Variants in TNS1 observed in about 807,000 individuals in gnomAD.
TNS1 encodes the protein tensin-1.
In TNS1, 62 loss-of-function variants were observed where a neutral mutation model predicts 168.6. The observed-to-expected ratio is 0.37, with a 90% CI of 0.30 to 0.45. The LOEUF is 0.45. Among genes scored for constraint, TNS1 ranks in the 20% least tolerant of loss-of-function variants. TNS1 has a pLI of 1.00. For synonymous variants in TNS1, 934 were observed against 933.2 expected (o/e 1.00, Z -0.02); for missense variants, 2,240 against 2,339.4 (o/e 0.96, Z 0.88).
intron 3 of TNS1, among the ~76,000 whole-genome samples, chr2:217,946,955 T>TCACA (rs1291975623): frequency 3.0e-3 from 339 of 113,678 alleles, no homozygotes; most frequent in Non-Finnish European, 4.8e-3. Flanking sequence ...TCTCTCTCTC[T>TCACA]CTCTCTCTCT....
chr2:217,982,525 T>TC lies in TNS1; in HGVS notation c.149-3724dup, dbSNP rs1055372437. On this transcript the variant is annotated intron_variant, in intron 2 of 32. Coordinates refer to ENST00000682258, the MANE Select transcript of TNS1 (RefSeq NM_001387777.1). Reference sequence around the variant, plus strand: ...CTCAAGCGATCCTCCCACTTCAGCCTCCCAAGCAGCTGGGACTACAAGCAT... The same window carrying TC: ...CTCAAGCGATCCTCCCACTTCAGCCTCCCCAAGCAGCTGGGACTACAAGCAT... Among the ~76,000 whole-genome samples, 4 of 150,804 alleles carry TC rather than the reference T, an allele frequency of 2.7e-5. No homozygotes were observed. In the Admixed American group the frequency reaches 2.7e-4, roughly 10 times the overall value.
intron 3 of TNS1, among the ~76,000 whole-genome samples, chr2:217,923,965 A>G (rs1014295429): frequency 1.2e-4 from 19 of 152,174 alleles, no homozygotes; most frequent in Admixed American, 5.2e-4. Context: ...AACAGGGCAC[A>G]CCCGTGCAGA....
At chr2:217,835,062 G>T in intron 21 of TNS1, 29 bp downstream of exon 21, 1 of 1,555,008 alleles carries the variant, frequency 6.4e-7, no homozygotes, top group East Asian at 2.4e-5. Context: ...GGGTACACAG[G>T]GAAGACGAGC....
chr2:217,885,204 G>T, intron 15 of TNS1, 40 bp from the exon 16 acceptor site: 1 of 1,613,310 alleles, frequency 6.2e-7, no homozygotes, highest in Middle Eastern at 1.7e-4. Context: ...GGGGCCTGAG[G>T]CTGGGAGGTC....
In TNS1 at chr2:217,848,208, C is replaced by T. The variant is rs1015716797; in HGVS notation, c.2309G>A (p.Arg770Lys). Residue 770 changes from arginine to lysine, a missense_variant, in exon 19 of 33, where the codon AGG becomes AAG. By Grantham distance (26) the Arg-to-Lys change is conservative. Transcript: ENST00000682258. ...RGGSSREAVQ[R>K]GLNSWQQQQQ... Reference sequence around the variant, plus strand: ...CTGCTGCTGCCACGAATTCAGTCCCCTTTGCACAGCCTCCCGGCTGCTTCC... The same window carrying T: ...CTGCTGCTGCCACGAATTCAGTCCCTTTTGCACAGCCTCCCGGCTGCTTCC... 2.5e-6 allele frequency: 4 copies of T among 1,597,040 alleles called. No homozygotes were observed. Among genetic ancestry groups the T allele is most frequent in the Admixed American group, 3.5e-5 (2 of 57,962 alleles).
chr2:218,022,656 G>A (rs571843993), intron 1 of TNS1, among the ~76,000 whole-genome samples: 42 of 152,078 alleles, frequency 2.8e-4, no homozygotes, highest in South Asian at 8.3e-4. Flanking sequence ...GATAAATGGG[G>A]GGAGGGGCAG....
chr2:218,019,095 A>T (rs1559413223), intron 1 of TNS1, among the ~76,000 whole-genome samples: 2 of 138,948 alleles, frequency 1.4e-5, no homozygotes. Context: ...AAGAAAAAAC[A>T]AAAAAAAAAT....
chr2:218,025,105 C>T (rs528516475), intron 1 of TNS1, among the ~76,000 whole-genome samples: 4 of 152,214 alleles, frequency 2.6e-5, no homozygotes, highest in Non-Finnish European at 4.4e-5. Flanking sequence ...CTACCCACCC[C>T]TCCCATGCTA....
chr2:217,816,070 C>A (rs1163745587), intron 24 of TNS1, among the ~76,000 whole-genome samples: 2 of 152,178 alleles, frequency 1.3e-5, no homozygotes, highest in Non-Finnish European at 2.9e-5. Context: ...CACAGTCCAA[C>A]TGCCTAATTT....
chr2:217,878,623 C>T (rs754014724), intron 18 of TNS1, among the ~76,000 whole-genome samples: 16 of 152,226 alleles, frequency 1.1e-4, no homozygotes, highest in Non-Finnish European at 1.8e-4. Flanking sequence ...ACACTGGCCA[C>T]AGCTGACACA....
At chr2:217,858,409 A>T in intron 18 of TNS1, 1 of 619,312 alleles carries the variant, frequency 1.6e-6, no homozygotes, top group Non-Finnish European at 2.0e-6. Flanking sequence ...CCCAGCACAG[A>T]AGCACGAGCA....
chr2:217,825,292 G>T (rs749906183), intron 22 of TNS1, among the ~76,000 whole-genome samples: 1 of 152,054 alleles, frequency 6.6e-6, no homozygotes, highest in African/African-American at 2.4e-5. Context: ...GAAGGGCAAG[G>T]TGCCAGTGGC....
At chr2:217,866,950 C>G (rs140059186) in intron 18 of TNS1, among the ~76,000 whole-genome samples, 2 of 152,228 alleles carry the variant, frequency 1.3e-5, no homozygotes, top group Non-Finnish European at 2.9e-5. Context: ...AGGACTCCTA[C>G]CCTTGTCAGA....
intron 19 of TNS1, among the ~76,000 whole-genome samples, chr2:217,846,754 G>A (rs1008435547): frequency 2.6e-5 from 4 of 152,220 alleles, no homozygotes; most frequent in Non-Finnish European, 5.9e-5. Flanking sequence ...CTCCCCAAAA[G>A]CTCTTCTGAG....
chr2:217,919,715 T>G, intron 4 of TNS1, among the ~76,000 whole-genome samples: 1 of 151,472 alleles, frequency 6.6e-6, no homozygotes, highest in African/African-American at 2.4e-5. Context: ...GTGGGGGAAA[T>G]GGAAAGGGAG....
intron 31 of TNS1, 89 bp downstream of exon 31, chr2:217,808,514 C>T: frequency 8.0e-7 from 1 of 1,245,644 alleles, no homozygotes; most frequent in Non-Finnish European, 1.2e-6. Context: ...CATGCACACA[C>T]ACACACACAC....
At chr2:217,843,425 A>G (rs1232437766) in intron 19 of TNS1, among the ~76,000 whole-genome samples, 1 of 151,940 alleles carries the variant, frequency 6.6e-6, no homozygotes, top group African/African-American at 2.4e-5. Flanking sequence ...ATATTTACAA[A>G]AAAGTTCCCA....
intron 18 of TNS1, among the ~76,000 whole-genome samples, chr2:217,876,916 C>A (rs1950250446): frequency 6.6e-6 from 1 of 152,152 alleles, no homozygotes; most frequent in South Asian, 2.1e-4. Context: ...GTTGAACAAG[C>A]CCCTGGGTCT....
rs748478658 is a variant in TNS1 at position 217,818,615 on chromosome 2, A to G, written c.3717T>C (p.Ser1239=). The G allele has an allele frequency of 4.3e-5, 69 of 1,614,026 alleles. No homozygotes were observed. The Admixed American group carries it at 1.1e-3, about 26-fold the overall frequency. The part of the protein sequence containing the change: ...PSAQRNYQSS[S]PLPTVGSSYS... ...AGCTACTGCCCACAGTCGGGAGAGGAGAAGAGCTCTGGTAGTTTCTCTGGG... is the reference window on the plus strand; with the variant it reads ...AGCTACTGCCCACAGTCGGGAGAGGGGAAGAGCTCTGGTAGTTTCTCTGGG... The change falls in exon 24 of 33, where the codon TCT becomes TCC. Residue 1239 remains serine, a synonymous_variant. Coordinates refer to ENST00000682258, the MANE Select transcript of TNS1 (RefSeq NM_001387777.1).
Sources: gnomAD v4.1 joint callset for allele counts (sites outside exome capture counted in the v4.1 genomes callset) on GRCh38, gnomAD v4.1.1 for gene constraint, MANE v1.5 for transcripts, NCBI Gene and HGNC (gene_info 2026-07-23, HGNC 2026-07-21) for gene names.